The following CCSER2 variants were observed in gnomAD, a reference collection of about 807,000 sequenced individuals.
CCSER2 encodes the protein serine-rich coiled-coil domain-containing protein 2.
In CCSER2, 46 loss-of-function variants were observed where a neutral mutation model predicts 92.3. The ratio of observed to expected loss-of-function variants is 0.50; its 90% CI spans 0.39 to 0.64. The LOEUF (loss-of-function observed/expected upper bound fraction) is 0.64. Ranked by LOEUF, CCSER2 falls within the 30% of genes least tolerant of loss-of-function variation. The probability of loss-of-function intolerance (pLI) is 0.00; values close to 1 mark genes in which losing one functional copy is unlikely to be tolerated. For missense variants in CCSER2, 1,244 were observed against 1,238.9 expected (o/e 1.00, Z -0.06); for synonymous variants, 433 against 431.4 (o/e 1.00, Z -0.04).
intron 5 of CCSER2, 151 bp from the exon 6 acceptor site, chr10:84,438,361 A>G: frequency 4.0e-6 from 2 of 506,018 alleles, no homozygotes; most frequent in Non-Finnish European, 7.0e-6. Context: ...TTTTGTGGAA[A>G]CACATCAGTG....
intron 9 of CCSER2, among the ~76,000 whole-genome samples, chr10:84,490,964 G>A: frequency 6.6e-6 from 1 of 152,216 alleles, no homozygotes; most frequent in East Asian, 1.9e-4. Context: ...TAATAGTCAG[G>A]ACCCTCAGCT....
At chr10:84,432,754 T>C (rs75739957) in intron 5 of CCSER2, among the ~76,000 whole-genome samples, 2,907 of 152,308 alleles carry the variant, frequency 0.019, 90 homozygotes, top group Admixed American at 0.073. Context: ...TTTTCTTTCT[T>C]GGGTTGCACT....
At chr10:84,429,617 C>A (rs373516202) in intron 5 of CCSER2, among the ~76,000 whole-genome samples, 21 of 148,370 alleles carry the variant, frequency 1.4e-4, no homozygotes, top group Admixed American at 2.7e-4. Context: ...CACCACCACC[C>A]CCCCCAGCTT....
intron 6 of CCSER2, among the ~76,000 whole-genome samples, chr10:84,454,286 T>A (rs958260195): frequency 6.6e-6 from 1 of 152,186 alleles, no homozygotes; most frequent in Non-Finnish European, 1.5e-5. Flanking sequence ...TCCCTTCTTA[T>A]AAGGATATCC....
intron 6 of CCSER2, among the ~76,000 whole-genome samples, chr10:84,451,934 C>A (rs1393241263): frequency 6.6e-6 from 1 of 151,892 alleles, no homozygotes; most frequent in Non-Finnish European, 1.5e-5. Context: ...ATTTTAAATC[C>A]CACTGTTGAA....
Position 84,445,287 on chromosome 10 carries a change from G to A in CCSER2, c.2064+6580G>A, listed in dbSNP as rs188195550. ...TTCTGCCTCAGCCTCCTGAGTAGCT[G>A]GGACTACAGGCGCCCGCCACCACGC... On this transcript the variant is annotated intron_variant, in intron 6 of 9. Transcript: ENST00000372088. 4.5e-3 allele frequency among the ~76,000 whole-genome samples: 683 copies of A among 152,198 alleles called. 8 individuals carry two copies. Among genetic ancestry groups the A allele is most frequent in the African/African-American group, 0.016 (654 of 41,514 alleles).
chr10:84,359,193 G>A (rs1400676625), intron 1 of CCSER2, among the ~76,000 whole-genome samples: 1 of 152,008 alleles, frequency 6.6e-6, no homozygotes, highest in East Asian at 1.9e-4. Context: ...CCTAGGATGA[G>A]TTAATTCAGG....
chr10:84,329,178 ATT>A (rs926932500), intron 1 of CCSER2, among the ~76,000 whole-genome samples: 1 of 150,316 alleles, frequency 6.7e-6, no homozygotes, highest in Non-Finnish European at 1.5e-5. Flanking sequence ...AATGAGTTCG[ATT>A]TTTTTTTTCT....
chr10:84,491,120 C>T (rs1848135359), intron 9 of CCSER2, among the ~76,000 whole-genome samples: 2 of 152,194 alleles, frequency 1.3e-5, no homozygotes, highest in South Asian at 2.1e-4. Flanking sequence ...CAGATGGGTA[C>T]CCAGCCGTGT....
At chr10:84,428,811 A>C (rs1194814245) in intron 5 of CCSER2, among the ~76,000 whole-genome samples, 1 of 151,998 alleles carries the variant, frequency 6.6e-6, no homozygotes, top group African/African-American at 2.4e-5. Context: ...TTTTATCATG[A>C]AAGGGTGTTG....
chr10:84,432,351 C>A (rs2133469031), intron 5 of CCSER2, among the ~76,000 whole-genome samples: 1 of 152,130 alleles, frequency 6.6e-6, no homozygotes. Context: ...ACAGATGATC[C>A]CATCACCCAG....
At chr10:84,439,225 T>C (rs1844378456) in intron 6 of CCSER2, among the ~76,000 whole-genome samples, 1 of 144,240 alleles carries the variant, frequency 6.9e-6, no homozygotes, top group South Asian at 2.2e-4. Flanking sequence ...AAATCTAGAC[T>C]CATAGCAGTG....
chr10:84,336,203 C>T lies in CCSER2; in HGVS notation c.-40+7395C>T, dbSNP rs182881515. ...TTTTACATTCTAAATTCCTTCAATC[C>T]TGGCTTAGAGAATAGATTCTCAGTC... is the stretch of plus-strand genomic sequence containing the variant. On this transcript the variant is annotated intron_variant, in intron 1 of 9. Coordinates refer to ENST00000372088, the MANE Select transcript of CCSER2 (RefSeq NM_001284240.2). Among the ~76,000 whole-genome samples, 5 of 152,230 alleles carry T rather than the reference C, an allele frequency of 3.3e-5. No individual in the cohort carries two copies. In the East Asian group the frequency reaches 9.6e-4, roughly 29 times the overall value.
intron 1 of CCSER2, among the ~76,000 whole-genome samples, chr10:84,339,097 T>G (rs900249385): frequency 6.6e-6 from 1 of 150,636 alleles, no homozygotes; most frequent in African/African-American, 2.5e-5. Flanking sequence ...CAGAAGTTAA[T>G]TTTTTCTTTT....
At chr10:84,444,513 C>T (rs1844788252) in intron 6 of CCSER2, among the ~76,000 whole-genome samples, 1 of 152,054 alleles carries the variant, frequency 6.6e-6, no homozygotes, top group Non-Finnish European at 1.5e-5. Context: ...GGGTGAGGCT[C>T]AGAAAACTAA....
intron 8 of CCSER2, among the ~76,000 whole-genome samples, chr10:84,476,511 C>G (rs1847155488): frequency 8.3e-6 from 1 of 121,170 alleles, no homozygotes. Flanking sequence ...GTGGTGCAAT[C>G]TGTGCTCACT....
At chr10:84,425,197 G>A (rs887031870) in intron 4 of CCSER2, 33 of 979,448 alleles carry the variant, frequency 3.4e-5, no homozygotes, top group African/African-American at 3.0e-4. Flanking sequence ...CTTACTGCAG[G>A]CAGATTGAAG....
chr10:84,494,645 G>A (rs1220441529), intron 9 of CCSER2, among the ~76,000 whole-genome samples: 2 of 152,130 alleles, frequency 1.3e-5, no homozygotes, highest in East Asian at 3.8e-4. Context: ...AGTATCCTTT[G>A]GCTTAATAGG....
At chr10:84,477,500 C>T in intron 8 of CCSER2, 75 bp from the exon 9 acceptor site, 68 of 691,870 alleles carry the variant, frequency 9.8e-5, no homozygotes, top group South Asian at 3.5e-4. Context: ...ATGTGTTTTC[C>T]TAAAGTTTCT....
Sources: gnomAD v4.1 joint callset for allele counts (sites outside exome capture counted in the v4.1 genomes callset) on GRCh38, gnomAD v4.1.1 for gene constraint, MANE v1.5 for transcripts, NCBI Gene and HGNC (gene_info 2026-07-23, HGNC 2026-07-21) for gene names.